The following EEF1G variants were observed in gnomAD, a reference collection of about 807,000 sequenced individuals.
The protein encoded by EEF1G is eukaryotic translation elongation factor 1 gamma, also known as elongation factor 1-gamma.
In EEF1G, 14 loss-of-function variants were observed where a neutral mutation model predicts 58.3. The ratio of observed to expected loss-of-function variants is 0.24; its 90% CI spans 0.16 to 0.38. EEF1G has a LOEUF of 0.38. Among genes scored for constraint, EEF1G ranks in the 10% least tolerant of loss-of-function variants. EEF1G has a pLI of 1.00. For missense variants in EEF1G, 322 were observed against 550.1 expected (o/e 0.59, Z 4.15); for synonymous variants, 180 against 206.8 (o/e 0.87, Z 1.11).
At chr11:62,561,227 G>A (rs1242812415) in intron 7 of EEF1G, among the ~76,000 whole-genome samples, 1 of 152,048 alleles carries the variant, frequency 6.6e-6, no homozygotes, top group Non-Finnish European at 1.5e-5. Flanking sequence ...CCAACAAGGT[G>A]AAACCCCGTT....
At chr11:62,573,809 C>T in intron 1 of EEF1G, 22 bp downstream of exon 1, 1 of 1,613,590 alleles carries the variant, frequency 6.2e-7, no homozygotes, top group Non-Finnish European at 8.5e-7. Flanking sequence ...ATGACCCGAA[C>T]CACCAGAGCC....
At chr11:62,570,888 G>C in intron 5 of EEF1G, 77 bp downstream of exon 5, 5 of 1,592,674 alleles carry the variant, frequency 3.1e-6, no homozygotes, top group Non-Finnish European at 4.3e-6. Flanking sequence ...GCAGAATACA[G>C]GGTAACCTAG....
rs370584771 is a variant in EEF1G, at chr11:62,572,751, G to C, written c.13-9C>G. ...GGATACGTGTACAGGGTCTATGGGAGAAAGAGAGGGACAAAATTAATGAGT... is the reference window on the plus strand; with the variant it reads ...GGATACGTGTACAGGGTCTATGGGACAAAGAGAGGGACAAAATTAATGAGT... On this transcript the variant is annotated splice_polypyrimidine_tract_variant and intron_variant, in intron 1 of 9. Coordinates refer to ENST00000329251, the MANE Select transcript of EEF1G (RefSeq NM_001404.5). The C allele has an allele frequency of 5.0e-6, 8 of 1,600,758 alleles. No homozygotes were observed. The highest frequency in any genetic ancestry group is 1.3e-5 in the African/African-American group (1 of 74,610).
At position 62,560,387 on chromosome 11, in the gene EEF1G, A is replaced by C; in HGVS notation, c.925T>G (p.Tyr309Asp). 6.2e-7 allele frequency: 1 copy of C among 1,609,308 alleles called. No homozygotes were observed. The highest frequency in any genetic ancestry group is 8.5e-7 in the Non-Finnish European group (1 of 1,177,662). Residue 309 changes from tyrosine (Y) to aspartate (D), a missense_variant, in exon 8 of 10, where the codon TAT becomes GAT. Around this residue, in one of 3 missense-constraint regions of EEF1G, gnomAD observed 208 missense variants for 323.7 expected, o/e 0.64. Coordinates refer to ENST00000329251, the MANE Select transcript of EEF1G (RefSeq NM_001404.5). ...TCCTTATCAAAGTGCTCCCAGAAAT[A>C]TGGCAGTGCCACAGAGAGTGTGTCC... ...NEDTLSVALPYFWEHFDKDGW... is the reference protein window; with the variant it reads ...NEDTLSVALPDFWEHFDKDGW...
In EEF1G at chr11:62,567,499, A is replaced by G. The variant is rs571268030; in HGVS notation, c.552T>C (p.Phe184=). 3.1e-6 allele frequency: 5 copies of G among 1,610,628 alleles called. No individual in the cohort carries two copies. Among genetic ancestry groups the G allele is most frequent in the Middle Eastern group, 3.3e-4 (2 of 6,054 alleles). ...QVLEPSFRQA[F]PNTNRWFLTC... is the part of the protein sequence containing the mutation. ...TGAGGAACCAGCGGTTGGTATTGGG[A>G]AAGGCCTGGCGGAAAGAAGGCTCTA... The change falls in exon 6 of 10, where the codon TTT becomes TTC. Residue 184 remains phenylalanine, a synonymous_variant. Coordinates refer to ENST00000329251, the MANE Select transcript of EEF1G (RefSeq NM_001404.5).
chr11:62,561,070 C>A (rs1168904955), intron 7 of EEF1G, among the ~76,000 whole-genome samples: 1 of 152,206 alleles, frequency 6.6e-6, no homozygotes, highest in Non-Finnish European at 1.5e-5. Context: ...AGAGGTCACT[C>A]CCTCCACGAT....
At chr11:62,560,477 GTCAA>G (rs1941481346) in intron 7 of EEF1G, 23 bp from the exon 8 acceptor site, 3 of 1,604,254 alleles carry the variant, frequency 1.9e-6, no homozygotes, top group South Asian at 1.1e-5. Flanking sequence ...AAGCACAGGG[GTCAA>G]TCAATAAGGA....
intron 7 of EEF1G, among the ~76,000 whole-genome samples, chr11:62,565,804 T>C (rs1179039923): frequency 1.3e-5 from 2 of 152,176 alleles, no homozygotes; most frequent in African/African-American, 2.4e-5. Context: ...CTTTCAGCTA[T>C]ACCCCAAGTT....
chr11:62,569,073 C>T (rs1481257674), intron 5 of EEF1G, among the ~76,000 whole-genome samples: 1 of 147,054 alleles, frequency 6.8e-6, no homozygotes, highest in African/African-American at 2.5e-5. Flanking sequence ...ATTGGCCATA[C>T]TATACACACA....
chr11:62,560,953 A>C (rs187703709), intron 7 of EEF1G, among the ~76,000 whole-genome samples: 11 of 152,312 alleles, frequency 7.2e-5, no homozygotes, highest in Admixed American at 5.9e-4. Flanking sequence ...GCCTATAAAC[A>C]AGCTTTAGTC....
chr11:62,573,354 T>C, intron 1 of EEF1G: 1 of 177,830 alleles, frequency 5.6e-6, no homozygotes, highest in Non-Finnish European at 1.2e-5. Context: ...GGCTTCTCTA[T>C]TATGCCGGCC....
In EEF1G at chr11:62,573,890, G is replaced by C. The variant is rs1219312790; in HGVS notation, c.-48C>G. On this transcript the variant is annotated 5_prime_UTR_variant, in exon 1 of 10. Coordinates refer to ENST00000329251, the MANE Select transcript of EEF1G (RefSeq NM_001404.5). ...GTGGGGTTCTCGGCGCTGCCGCAAA[G>C]TAAGCCGCCCGGGAGAGAAGGGAGG... is the stretch of plus-strand genomic sequence containing the variant. 3 of 1,613,068 alleles carry C rather than the reference G, an allele frequency of 1.9e-6. No individual in the cohort carries two copies. The highest frequency in any genetic ancestry group is 1.7e-6 in the Non-Finnish European group (2 of 1,179,570).
intron 5 of EEF1G, among the ~76,000 whole-genome samples, chr11:62,569,815 T>A (rs1408380511): frequency 2.1e-5 from 3 of 144,356 alleles, no homozygotes; most frequent in Non-Finnish European, 4.4e-5. Flanking sequence ...GTGTTTTTTC[T>A]TTTGCTATGA....
Position 62,566,979 on chromosome 11 carries a change from C to T in EEF1G, c.684G>A (p.Lys228=). The T allele has an allele frequency of 6.2e-7, 1 of 1,613,992 alleles. No individual in the cohort carries two copies. The highest frequency in any genetic ancestry group is 8.5e-7 in the Non-Finnish European group (1 of 1,179,904). Residue 228 remains lysine, a synonymous_variant, in exon 7 of 10, where the codon AAG becomes AAA. Coordinates refer to ENST00000329251, the MANE Select transcript of EEF1G (RefSeq NM_001404.5). ...AACCCTTCTCTTTCCGTGGTGTGTC[C>T]TTTTTAGGTTGGGTCTCTGCAAACT... ...AKKFAETQPK[K]DTPRKEKGSR...
At position 62,560,428 on chromosome 11, in the gene EEF1G, C is replaced by T. The variant is rs774160028; in HGVS notation, c.884G>A (p.Arg295His). 5.0e-6 allele frequency: 8 copies of T among 1,609,630 alleles called. No individual in the cohort carries two copies. Among genetic ancestry groups the T allele is most frequent in the South Asian group, 2.2e-5 (2 of 90,136 alleles). The change falls in exon 8 of 10, where the codon CGC (arginine) becomes CAC (histidine). Residue 295 changes from arginine to histidine, a missense_variant. This residue lies in a region of EEF1G where 208 missense variants were observed against 323.7 expected (regional missense o/e 0.64). Coordinates refer to ENST00000329251, the MANE Select transcript of EEF1G (RefSeq NM_001404.5). ...GAGTGTGTCCTCATTGGAGTACTTGCGCTTAAATTCATCCAACACAAAGGT... is the reference window on the plus strand; with the variant it reads ...GAGTGTGTCCTCATTGGAGTACTTGTGCTTAAATTCATCCAACACAAAGGT... Reference protein sequence around the residue: ...KSTFVLDEFKRKYSNEDTLSV... With the variant: ...KSTFVLDEFKHKYSNEDTLSV...
intron 3 of EEF1G, 70 bp downstream of exon 3, chr11:62,571,768 C>G (rs867985807): frequency 5.8e-6 from 9 of 1,561,880 alleles, no homozygotes; most frequent in South Asian, 1.2e-5. Flanking sequence ...TATCCACCCC[C>G]GCTCACACTT....
At chr11:62,570,718 C>A (rs887684961) in intron 5 of EEF1G, among the ~76,000 whole-genome samples, 3 of 151,910 alleles carry the variant, frequency 2.0e-5, no homozygotes, top group Admixed American at 2.0e-4. Flanking sequence ...CCACACCTGG[C>A]TAATTTTTTG....
At chr11:62,562,424 T>C (rs1941507328) in intron 7 of EEF1G, among the ~76,000 whole-genome samples, 1 of 152,198 alleles carries the variant, frequency 6.6e-6, no homozygotes, top group Non-Finnish European at 1.5e-5. Flanking sequence ...CATACACATA[T>C]ATATATATAT....
chr11:62,564,630 T>C (rs1590708035), intron 7 of EEF1G, among the ~76,000 whole-genome samples: 1 of 150,656 alleles, frequency 6.6e-6, no homozygotes, highest in East Asian at 2.0e-4. Context: ...GGCATGGTGG[T>C]GCGTGCCTGT....
Sources: allele counts gnomAD v4.1 joint callset (sites outside exome capture counted in the v4.1 genomes callset), GRCh38; gene constraint gnomAD v4.1.1; regional missense constraint gnomAD v4.1.1; transcripts MANE v1.5; gene names NCBI Gene and HGNC (gene_info 2026-07-23, HGNC 2026-07-21).